The following CUX2 variants were observed in gnomAD, a reference collection of about 807,000 sequenced individuals.
CUX2 encodes cut like homeobox 2.
A neutral mutation model predicts 144.8 loss-of-function variants in CUX2; 40 were observed. The ratio of observed to expected loss-of-function variants is 0.28; its 90% CI spans 0.21 to 0.36. The LOEUF (loss-of-function observed/expected upper bound fraction) is 0.36. Among genes scored for constraint, CUX2 ranks in the 10% least tolerant of loss-of-function variants. The pLI, the probability that CUX2 is intolerant of heterozygous loss-of-function variation, is 1.00. For missense variants in CUX2, 1,615 were observed against 1,994.0 expected (o/e 0.81, Z 3.62); for synonymous variants, 827 against 875.6 (o/e 0.94, Z 0.98).
intron 1 of CUX2, chr12:111,099,767 A>G (rs1309186544): frequency 2.3e-6 from 1 of 442,692 alleles, no homozygotes; most frequent in African/African-American, 2.0e-5. Context: ...AATCAGACCC[A>G]GGCAGCCTGG....
chr12:111,283,232 C>A (rs561398304), intron 4 of CUX2, among the ~76,000 whole-genome samples: 73 of 151,908 alleles, frequency 4.8e-4, no homozygotes, highest in African/African-American at 1.7e-3. Flanking sequence ...AAAAAAAAAC[C>A]TATCCCCAAA....
chr12:111,105,676 A>G (rs962155647), intron 1 of CUX2, among the ~76,000 whole-genome samples: 4 of 152,140 alleles, frequency 2.6e-5, no homozygotes, highest in Non-Finnish European at 5.9e-5. Context: ...TGAAGCCTGC[A>G]TCTGTCATTT....
chr12:111,090,634 G>T (rs913491391), intron 1 of CUX2, among the ~76,000 whole-genome samples: 1 of 151,920 alleles, frequency 6.6e-6, no homozygotes, highest in Non-Finnish European at 1.5e-5. Flanking sequence ...CCCATCTCTC[G>T]GCATCCTTTT....
In CUX2 at chr12:111,347,625, C is replaced by A. The variant is rs2136458885; in HGVS notation, c.3761C>A (p.Pro1254Gln). The A allele has an allele frequency of 6.4e-7, 1 of 1,552,200 alleles. No homozygotes were observed. Among genetic ancestry groups the A allele is most frequent in the Non-Finnish European group, 8.9e-7 (1 of 1,127,230 alleles). The change falls in exon 22 of 22, where the codon CCA becomes CAA. Residue 1254 changes from proline (P) to glutamine (Q), a missense_variant. Around this residue, in one of 12 missense-constraint regions of CUX2, gnomAD observed 298 missense variants for 330.4 expected, o/e 0.90. Coordinates refer to ENST00000261726, the MANE Select transcript of CUX2 (RefSeq NM_015267.4). Reference protein sequence around the residue: ...PGILPPGHSHPDPTPQSPDSE... With the variant: ...PGILPPGHSHQDPTPQSPDSE... Reference sequence around the variant, plus strand: ...ATCCTACCGCCAGGCCACTCCCACCCAGACCCCACCCCGCAGAGCCCTGAC... The same window carrying A: ...ATCCTACCGCCAGGCCACTCCCACCAAGACCCCACCCCGCAGAGCCCTGAC...
intron 21 of CUX2, among the ~76,000 whole-genome samples, chr12:111,346,256 G>C (rs942516350): frequency 4.6e-5 from 7 of 151,850 alleles, no homozygotes; most frequent in Non-Finnish European, 1.0e-4. Flanking sequence ...CTGGTGGATT[G>C]CTTGAGGTCA....
chr12:111,248,450 G>C (rs978329162), intron 3 of CUX2, among the ~76,000 whole-genome samples: 55 of 152,132 alleles, frequency 3.6e-4, no homozygotes, highest in Non-Finnish European at 7.4e-4. Context: ...ATGGAGGTTC[G>C]GCTGGCAGTT....
chr12:111,074,198 A>C (rs879139040), intron 1 of CUX2, among the ~76,000 whole-genome samples: 15 of 151,982 alleles, frequency 9.9e-5, no homozygotes, highest in Admixed American at 9.8e-4. Flanking sequence ...CTGGAAGCTG[A>C]ATCTTTGCAT....
chr12:111,330,697 A>G (rs58256406), intron 18 of CUX2, among the ~76,000 whole-genome samples: 177 of 7,356 alleles, frequency 0.024, 4 homozygotes, highest in African/African-American at 0.089. Flanking sequence ...ATATATATAT[A>G]TATATATATA....
chr12:111,295,487 G>A lies in CUX2; in HGVS notation c.637+78G>A. On this transcript the variant is annotated intron_variant, in intron 7 of 21. Transcript: ENST00000261726. This position sits in a 1 kb window ranked among gnomAD's most constrained non-coding sequence, Gnocchi z 5.0. ...GCTGTCAACGAGGGGTCACGGCTTG[G>A]GGTCTGCCACATCCAGGTGTTTTAG... The A allele has an allele frequency of 7.8e-7, 1 of 1,279,008 alleles. No homozygotes were observed. Among genetic ancestry groups the A allele is most frequent in the South Asian group, 1.4e-5 (1 of 72,308 alleles). The allele number at this position is 1,279,008 out of a possible 1,614,324, so 79.2% of individuals were successfully genotyped here.
intron 1 of CUX2, among the ~76,000 whole-genome samples, chr12:111,054,683 G>A (rs1870435867): frequency 6.6e-6 from 1 of 152,142 alleles, no homozygotes; most frequent in African/African-American, 2.4e-5. Flanking sequence ...CTGGAGTGCA[G>A]TGGTGTGATC....
chr12:111,035,554 T>A lies in CUX2; in HGVS notation c.63+1314T>A, dbSNP rs1869398222. 2.0e-5 allele frequency among the ~76,000 whole-genome samples: 3 copies of A among 151,006 alleles called. No homozygotes were observed. In the South Asian group the frequency reaches 6.3e-4, roughly 32 times the overall value. ...AACAGGGCGGTTAGAGCATCCTGCC[T>A]TGACCGTGACATTCGCGGAAGACGC... On this transcript the variant is annotated intron_variant, in intron 1 of 21. Transcript: ENST00000261726. The surrounding 1 kb of genome is among the most constrained non-coding windows in gnomAD (Gnocchi z 6.0).
At chr12:111,092,988 G>A (rs1032565169) in intron 1 of CUX2, among the ~76,000 whole-genome samples, 5 of 151,870 alleles carry the variant, frequency 3.3e-5, no homozygotes, top group East Asian at 1.9e-4. Flanking sequence ...GCTAATTTTT[G>A]TATTTTTTGT....
intron 1 of CUX2, among the ~76,000 whole-genome samples, chr12:111,197,072 C>T (rs1387674558): frequency 6.6e-6 from 1 of 152,174 alleles, no homozygotes; most frequent in Non-Finnish European, 1.5e-5. Context: ...GGCTCTGGAG[C>T]TAGGAGGACC....
At chr12:111,339,313 T>C (rs990986058) in intron 20 of CUX2, among the ~76,000 whole-genome samples, 1 of 152,080 alleles carries the variant, frequency 6.6e-6, no homozygotes. Context: ...CACCAAAGTC[T>C]GTTGCCAGCC....
chr12:111,111,983 G>T (rs935484180), intron 1 of CUX2, among the ~76,000 whole-genome samples: 1 of 152,188 alleles, frequency 6.6e-6, no homozygotes, highest in Admixed American at 6.5e-5. Flanking sequence ...TCCCTGTGGG[G>T]TCTGTACCTC....
At chr12:111,265,775 T>G (rs1884357678) in intron 4 of CUX2, among the ~76,000 whole-genome samples, 1 of 152,086 alleles carries the variant, frequency 6.6e-6, no homozygotes, top group Admixed American at 6.6e-5. Context: ...CTGTGCTAAC[T>G]CTCCCCACCC....
At chr12:111,139,030 C>G (rs1876118589) in intron 1 of CUX2, among the ~76,000 whole-genome samples, 1 of 151,692 alleles carries the variant, frequency 6.6e-6, no homozygotes, top group Non-Finnish European at 1.5e-5. Flanking sequence ...ATCTCAGCCC[C>G]CAGAGAACCC....
chr12:111,275,233 C>T (rs533047321), intron 4 of CUX2, among the ~76,000 whole-genome samples: 1 of 152,212 alleles, frequency 6.6e-6, no homozygotes, highest in African/African-American at 2.4e-5. Context: ...TCCCTGCACG[C>T]CCATCAGGAC....
chr12:111,176,810 AT>A (rs1878883585), intron 1 of CUX2, among the ~76,000 whole-genome samples: 1 of 152,076 alleles, frequency 6.6e-6, no homozygotes, highest in South Asian at 2.1e-4. Flanking sequence ...CTCCTCTCCC[AT>A]TCATTCCCCA....
Sources: allele counts gnomAD v4.1 joint callset (sites outside exome capture counted in the v4.1 genomes callset), GRCh38; gene constraint gnomAD v4.1.1; regional missense constraint gnomAD v4.1.1; non-coding constraint Gnocchi (gnomAD v3.1); transcripts MANE v1.5; gene names NCBI Gene and HGNC (gene_info 2026-07-23, HGNC 2026-07-21).